The following LRFN2 variants were observed in gnomAD, a reference collection of about 807,000 sequenced individuals.
LRFN2 encodes leucine-rich repeat and fibronectin type-III domain-containing protein 2.
Under a neutral mutation model 37.3 loss-of-function variants are expected in LRFN2, and 18 were observed. The ratio of observed to expected loss-of-function variants is 0.48; its 90% CI spans 0.33 to 0.72. The LOEUF (loss-of-function observed/expected upper bound fraction) is 0.72. LRFN2 is among the 30% of genes least tolerant of loss of function. LRFN2 has a pLI of 0.02. For synonymous variants in LRFN2, 556 were observed against 466.6 expected (o/e 1.19, Z -2.47); for missense variants, 1,006 against 1,060.7 (o/e 0.95, Z 0.72).
intron 1 of LRFN2, among the ~76,000 whole-genome samples, chr6:40,525,053 A>G (rs1002819233): frequency 6.6e-6 from 1 of 152,230 alleles, no homozygotes; most frequent in South Asian, 2.1e-4. Context: ...CATCTATAAA[A>G]TACAAAGTGG....
intron 1 of LRFN2, among the ~76,000 whole-genome samples, chr6:40,538,306 C>T (rs1346097675): frequency 6.6e-6 from 1 of 152,078 alleles, no homozygotes; most frequent in African/African-American, 2.4e-5. Context: ...TCCCCTACTC[C>T]CGGGCCTCCA....
At chr6:40,422,251 G>C (rs1763246150) in intron 2 of LRFN2, among the ~76,000 whole-genome samples, 1 of 152,190 alleles carries the variant, frequency 6.6e-6, no homozygotes, top group Admixed American at 6.5e-5. Flanking sequence ...TTGAACCCAG[G>C]CCTTCTGGCT....
chr6:40,537,256 C>A (rs1766466118), intron 1 of LRFN2, among the ~76,000 whole-genome samples: 1 of 152,228 alleles, frequency 6.6e-6, no homozygotes, highest in Non-Finnish European at 1.5e-5. Context: ...GGCAGGAACC[C>A]CAATACTGGG....
chr6:40,415,887 T>A (rs1032454707), intron 2 of LRFN2, among the ~76,000 whole-genome samples: 2 of 152,228 alleles, frequency 1.3e-5, no homozygotes, highest in Non-Finnish European at 2.9e-5. Context: ...GAGAATTATG[T>A]TCAAAAATTA....
chr6:40,507,901 TG>T (rs1765588699), intron 1 of LRFN2, among the ~76,000 whole-genome samples: 2 of 152,214 alleles, frequency 1.3e-5, no homozygotes, highest in South Asian at 4.1e-4. Context: ...AGATGAATAA[TG>T]GCTAACAAAT....
At chr6:40,433,226 G>C in intron 1 of LRFN2, 95 bp from the exon 2 acceptor site, 4 of 1,075,756 alleles carry the variant, frequency 3.7e-6, no homozygotes, top group Non-Finnish European at 5.2e-6. Flanking sequence ...ACTGCCTTAG[G>C]GAGTGGCATA....
At chr6:40,582,594 C>T (rs1395261280) in intron 1 of LRFN2, among the ~76,000 whole-genome samples, 1 of 151,822 alleles carries the variant, frequency 6.6e-6, no homozygotes, top group Non-Finnish European at 1.5e-5. Flanking sequence ...AAAAAGCAGG[C>T]CCAGACCTGT....
At chr6:40,396,159 A>G (rs1267215902) in intron 2 of LRFN2, among the ~76,000 whole-genome samples, 3 of 151,948 alleles carry the variant, frequency 2.0e-5, no homozygotes, top group Admixed American at 6.6e-5. Context: ...GGGGATTAAG[A>G]CTCTTTTAAT....
At chr6:40,442,024 C>G (rs1763848733) in intron 1 of LRFN2, among the ~76,000 whole-genome samples, 1 of 152,168 alleles carries the variant, frequency 6.6e-6, no homozygotes, top group Admixed American at 6.5e-5. Flanking sequence ...CCCAGCAGAT[C>G]CAAGTGCCAG....
intron 1 of LRFN2, among the ~76,000 whole-genome samples, chr6:40,545,326 G>A (rs1431923177): frequency 6.6e-6 from 1 of 152,240 alleles, no homozygotes; most frequent in African/African-American, 2.4e-5. Context: ...TGAAGGTGGT[G>A]TGGTTGGGCT....
At chr6:40,523,495 T>A (rs1766148413) in intron 1 of LRFN2, among the ~76,000 whole-genome samples, 1 of 139,254 alleles carries the variant, frequency 7.2e-6, no homozygotes, top group Non-Finnish European at 1.5e-5. Flanking sequence ...CCCTAAAGCA[T>A]CTTTAGGTGA....
intron 1 of LRFN2, among the ~76,000 whole-genome samples, chr6:40,433,604 G>A (rs1042144793): frequency 6.6e-6 from 1 of 152,160 alleles, no homozygotes; most frequent in African/African-American, 2.4e-5. Flanking sequence ...GGATATTATG[G>A]CTGTTTTTTG....
intron 2 of LRFN2, among the ~76,000 whole-genome samples, chr6:40,414,905 A>T (rs1763062207): frequency 6.6e-6 from 1 of 152,002 alleles, no homozygotes; most frequent in Non-Finnish European, 1.5e-5. Context: ...TTGTTGGGGT[A>T]CTCTGTGTGG....
chr6:40,437,196 G>C (rs973811017), intron 1 of LRFN2, among the ~76,000 whole-genome samples: 17 of 152,128 alleles, frequency 1.1e-4, no homozygotes, highest in African/African-American at 4.1e-4. Flanking sequence ...CATGGCCTGT[G>C]CTGGATATCT....
At chr6:40,544,689 G>A (rs1207061551) in intron 1 of LRFN2, among the ~76,000 whole-genome samples, 5 of 152,152 alleles carry the variant, frequency 3.3e-5, no homozygotes, top group Non-Finnish European at 5.9e-5. Context: ...CCACCTCCCC[G>A]CTTTAAGCCT....
chr6:40,520,446 G>A (rs1260825591), intron 1 of LRFN2, among the ~76,000 whole-genome samples: 1 of 152,134 alleles, frequency 6.6e-6, no homozygotes, highest in Non-Finnish European at 1.5e-5. Flanking sequence ...AGGGAAAGAA[G>A]AGATAATGCT....
intron 1 of LRFN2, among the ~76,000 whole-genome samples, chr6:40,545,602 A>G (rs1388977652): frequency 6.6e-6 from 1 of 152,054 alleles, no homozygotes; most frequent in Admixed American, 6.6e-5. Flanking sequence ...GAGGAAGAGG[A>G]AGAGGGGAGG....
At chr6:40,399,491 A>T (rs1762690525) in intron 2 of LRFN2, among the ~76,000 whole-genome samples, 1 of 138,580 alleles carries the variant, frequency 7.2e-6, no homozygotes, top group Admixed American at 8.0e-5. Flanking sequence ...GCTGAAGTAC[A>T]GTGGTGCGAT....
At chr6:40,511,128 G>A (rs1254409389) in intron 1 of LRFN2, among the ~76,000 whole-genome samples, 1 of 152,088 alleles carries the variant, frequency 6.6e-6, no homozygotes, top group Non-Finnish European at 1.5e-5. Flanking sequence ...AAATAATGAG[G>A]GGAGACCTTG....
Sources: gnomAD v4.1 joint callset for allele counts (sites outside exome capture counted in the v4.1 genomes callset) on GRCh38, gnomAD v4.1.1 for gene constraint, MANE v1.5 for transcripts, NCBI Gene and HGNC (gene_info 2026-07-23, HGNC 2026-07-21) for gene names.